The following NLGN1 variants were observed in gnomAD, a reference collection of about 807,000 sequenced individuals.
NLGN1 encodes the protein neuroligin-1.
In NLGN1, 12 loss-of-function variants were observed where a neutral mutation model predicts 65.5. The ratio of observed to expected loss-of-function variants is 0.18; its 90% CI spans 0.12 to 0.30. The LOEUF is 0.30. Ranked by LOEUF, NLGN1 falls within the 10% of genes least tolerant of loss-of-function variation. The probability of loss-of-function intolerance (pLI) is 1.00; values close to 1 mark genes in which losing one functional copy is unlikely to be tolerated. For synonymous variants in NLGN1, 350 were observed against 359.5 expected (o/e 0.97, Z 0.30); for missense variants, 750 against 1,007.1 (o/e 0.74, Z 3.46).
intron 4 of NLGN1, among the ~76,000 whole-genome samples, chr3:173,983,054 A>G (rs1719110428): frequency 6.6e-6 from 1 of 152,150 alleles, no homozygotes; most frequent in East Asian, 1.9e-4. Context: ...AAAAAATACT[A>G]ATATAGAATA....
At position 173,841,598 on chromosome 3, in the gene NLGN1, G is replaced by A. The variant is rs550283790; in HGVS notation, c.646+33766G>A. 9.2e-5 allele frequency among the ~76,000 whole-genome samples: 14 copies of A among 152,308 alleles called. No homozygotes were observed. The East Asian group carries it at 2.5e-3, about 27-fold the overall frequency. On this transcript the variant is annotated intron_variant, in intron 4 of 6. Transcript: ENST00000457714. ...GAGGTACATTCGGATGGCATGCATG[G>A]AGGGAGGGCACAGCTGAAGTCTCAG...
intron 4 of NLGN1, among the ~76,000 whole-genome samples, chr3:173,993,117 T>A (rs565610801): frequency 3.8e-4 from 58 of 152,332 alleles, no homozygotes; most frequent in African/African-American, 1.4e-3. Flanking sequence ...ATTTTCATTA[T>A]TTTTTTATGT....
intron 1 of NLGN1, among the ~76,000 whole-genome samples, chr3:173,416,566 C>T (rs892525219): frequency 3.9e-5 from 6 of 152,142 alleles, no homozygotes; most frequent in Non-Finnish European, 5.9e-5. Flanking sequence ...GAAAATATTG[C>T]TTTGATCACA....
intron 4 of NLGN1, among the ~76,000 whole-genome samples, chr3:173,956,881 A>C (rs1272348075): frequency 6.6e-6 from 1 of 152,154 alleles, no homozygotes; most frequent in Non-Finnish European, 1.5e-5. Flanking sequence ...GAGATGGGAA[A>C]ATTTATTTTT....
chr3:173,423,155 C>T (rs1423656838), intron 1 of NLGN1, among the ~76,000 whole-genome samples: 3 of 152,152 alleles, frequency 2.0e-5, no homozygotes, highest in Non-Finnish European at 4.4e-5. Flanking sequence ...AACTCTCTCA[C>T]TATCACAAGA....
intron 3 of NLGN1, among the ~76,000 whole-genome samples, chr3:173,694,806 C>T (rs151105093): frequency 6.6e-6 from 1 of 152,188 alleles, no homozygotes; most frequent in Admixed American, 6.5e-5. Flanking sequence ...TTGACTGTGA[C>T]AAGACACATG....
chr3:174,179,466 G>A (rs961423968), intron 4 of NLGN1, among the ~76,000 whole-genome samples: 1 of 152,092 alleles, frequency 6.6e-6, no homozygotes. Flanking sequence ...TGTATACATA[G>A]CTGAGGTCAA....
intron 4 of NLGN1, among the ~76,000 whole-genome samples, chr3:173,852,334 C>T (rs1412977953): frequency 9.4e-5 from 10 of 106,078 alleles, no homozygotes; most frequent in South Asian, 3.5e-4. Context: ...CCAGCCTGGG[C>T]AACAGAGCGA....
intron 4 of NLGN1, among the ~76,000 whole-genome samples, chr3:174,007,224 A>T (rs1724617974): frequency 1.3e-5 from 2 of 152,272 alleles, no homozygotes; most frequent in Middle Eastern, 6.8e-3. Context: ...CAACACCTTG[A>T]TCTAGGATTT....
intron 4 of NLGN1, among the ~76,000 whole-genome samples, chr3:174,018,851 A>ATG (rs1272083785): frequency 1.3e-5 from 2 of 152,070 alleles, no homozygotes; most frequent in Non-Finnish European, 2.9e-5. Flanking sequence ...AATGTGAATT[A>ATG]TGTGTGTGTG....
At chr3:173,751,039 C>T (rs1350732896) in intron 3 of NLGN1, among the ~76,000 whole-genome samples, 1 of 151,988 alleles carries the variant, frequency 6.6e-6, no homozygotes, top group Non-Finnish European at 1.5e-5. Context: ...TTTCAAAAAA[C>T]AAATAAAAGG....
intron 2 of NLGN1, among the ~76,000 whole-genome samples, chr3:173,586,004 G>A (rs1747376009): frequency 6.6e-6 from 1 of 152,146 alleles, no homozygotes; most frequent in Non-Finnish European, 1.5e-5. Flanking sequence ...ATATTATTCT[G>A]AAGTAATTTT....
intron 3 of NLGN1, among the ~76,000 whole-genome samples, chr3:173,665,355 A>G (rs530326188): frequency 4.6e-5 from 7 of 152,218 alleles, no homozygotes; most frequent in South Asian, 2.1e-4. Context: ...CTTCATGATT[A>G]TAAGTTTCCT....
intron 3 of NLGN1, among the ~76,000 whole-genome samples, chr3:173,642,384 C>T (rs1308091902): frequency 6.6e-6 from 1 of 152,130 alleles, no homozygotes; most frequent in Non-Finnish European, 1.5e-5. Context: ...ACCAAAGTGG[C>T]TGTGGGTGGC....
At chr3:174,136,241 GA>G (rs1721183718) in intron 4 of NLGN1, among the ~76,000 whole-genome samples, 1 of 152,058 alleles carries the variant, frequency 6.6e-6, no homozygotes, top group Non-Finnish European at 1.5e-5. Context: ...TTAAGAACAG[GA>G]AAATAAAAGG....
At chr3:173,553,549 C>A (rs556128438) in intron 2 of NLGN1, among the ~76,000 whole-genome samples, 1 of 152,254 alleles carries the variant, frequency 6.6e-6, no homozygotes, top group East Asian at 1.9e-4. Context: ...GTTGAAAGAG[C>A]CTCATAAGTA....
chr3:174,226,741 A>G (rs1739783480), intron 4 of NLGN1, among the ~76,000 whole-genome samples: 2 of 151,924 alleles, frequency 1.3e-5, no homozygotes, highest in Admixed American at 1.3e-4. Context: ...AAAATTTAAA[A>G]TAACACTAAA....
chr3:173,611,850 T>A (rs1229525991), intron 3 of NLGN1, among the ~76,000 whole-genome samples: 1 of 152,086 alleles, frequency 6.6e-6, no homozygotes, highest in African/African-American at 2.4e-5. Context: ...TTGAAAACAT[T>A]TAAGATTTAT....
At position 174,233,833 on chromosome 3, in the gene NLGN1, G is replaced by A. The variant is rs1005051281; in HGVS notation, c.647-41482G>A. On this transcript the variant is annotated intron_variant, in intron 4 of 6. Transcript: ENST00000457714. ...TAATGGTATTATTAAGTCCACAAAC[G>A]TAGATATTGCCACAAAATATTACCA... Among the ~76,000 whole-genome samples the A allele has an allele frequency of 9.9e-5, 15 of 152,186 alleles. 1 individual carries two copies. Among genetic ancestry groups the A allele is most frequent in the South Asian group, 2.1e-4 (1 of 4,826 alleles).
Sources: allele counts gnomAD v4.1 joint callset (sites outside exome capture counted in the v4.1 genomes callset), GRCh38; gene constraint gnomAD v4.1.1; transcripts MANE v1.5; gene names NCBI Gene and HGNC (gene_info 2026-07-23, HGNC 2026-07-21).